SLC13A3: variants seen among roughly 807,000 people sequenced by gnomAD.
The protein encoded by SLC13A3 is solute carrier family 13 member 3, also known as Na(+)/dicarboxylate cotransporter 3.
A neutral mutation model predicts 59.0 loss-of-function variants in SLC13A3; 40 were observed. The observed-to-expected ratio is 0.68, with a 90% CI of 0.53 to 0.88. SLC13A3 has a LOEUF of 0.88. Among genes scored for constraint, SLC13A3 ranks in the 40% least tolerant of loss-of-function variants. SLC13A3 has a pLI of 0.00. For synonymous variants in SLC13A3, 317 were observed against 330.3 expected (o/e 0.96, Z 0.44); for missense variants, 699 against 783.2 (o/e 0.89, Z 1.28).
chr20:46,604,883 A>G (rs1185891182), intron 3 of SLC13A3, among the ~76,000 whole-genome samples: 2 of 152,090 alleles, frequency 1.3e-5, no homozygotes, highest in Non-Finnish European at 2.9e-5. Context: ...CCAGACAGTA[A>G]GAACTCTGAC....
chr20:46,641,054 G>A (rs1568952199), intron 1 of SLC13A3, among the ~76,000 whole-genome samples: 2 of 152,136 alleles, frequency 1.3e-5, no homozygotes, highest in Admixed American at 1.3e-4. Flanking sequence ...GGTAGGGAGA[G>A]CATGGAGGGG....
At chr20:46,617,155 T>C (rs1344999083) in intron 1 of SLC13A3, among the ~76,000 whole-genome samples, 1 of 152,244 alleles carries the variant, frequency 6.6e-6, no homozygotes, top group Non-Finnish European at 1.5e-5. Flanking sequence ...AAATATCTGT[T>C]GAATGATGAA....
At chr20:46,631,467 C>T (rs1391857768) in intron 1 of SLC13A3, among the ~76,000 whole-genome samples, 1 of 152,118 alleles carries the variant, frequency 6.6e-6, no homozygotes, top group Non-Finnish European at 1.5e-5. Flanking sequence ...ATTGAAAGAC[C>T]ATTGTGCCCT....
chr20:46,679,868 A>G (rs1457808979), intron 1 of SLC13A3, among the ~76,000 whole-genome samples: 1 of 151,264 alleles, frequency 6.6e-6, no homozygotes, highest in Non-Finnish European at 1.5e-5. Flanking sequence ...AAATCACACT[A>G]CTACACTCCA....
At chr20:46,626,115 C>A (rs1219913099) in intron 1 of SLC13A3, among the ~76,000 whole-genome samples, 1 of 150,614 alleles carries the variant, frequency 6.6e-6, no homozygotes, top group Non-Finnish European at 1.5e-5. Context: ...CTCTCTCTCT[C>A]TCTCTCTGTC....
chr20:46,571,686 C>T (rs2062029156), intron 10 of SLC13A3, among the ~76,000 whole-genome samples: 1 of 152,006 alleles, frequency 6.6e-6, no homozygotes, highest in Admixed American at 6.6e-5. Flanking sequence ...AATAAACATG[C>T]CCACAGGATC....
At chr20:46,590,893 G>C (rs1023759493) in intron 6 of SLC13A3, among the ~76,000 whole-genome samples, 5 of 151,984 alleles carry the variant, frequency 3.3e-5, no homozygotes, top group Admixed American at 1.3e-4. Context: ...AGCTGGGCTT[G>C]GGTGGCTCAT....
rs117004039 is a variant in SLC13A3 at position 46,618,327 on chromosome 20, C to T, written c.112-4602G>A. ...ACAAATCATTCACCTCCCAGAGAGA[C>T]AAGGGCTAAAACAGAGTTTAAGACA... On this transcript the variant is annotated intron_variant, in intron 1 of 12. Transcript: ENST00000279027. 2.2e-4 allele frequency among the ~76,000 whole-genome samples: 33 copies of T among 152,304 alleles called. 1 individual carries two copies. The East Asian group carries it at 6.4e-3, about 29-fold the overall frequency.
intron 1 of SLC13A3, among the ~76,000 whole-genome samples, chr20:46,644,923 T>C (rs2062879768): frequency 6.6e-6 from 1 of 152,236 alleles, no homozygotes; most frequent in Non-Finnish European, 1.5e-5. Flanking sequence ...CATCTTTTCT[T>C]GCTGCTGTAA....
intron 1 of SLC13A3, among the ~76,000 whole-genome samples, chr20:46,619,734 GCTTCTT>G (rs1174267731): frequency 2.6e-5 from 4 of 152,102 alleles, no homozygotes; most frequent in Admixed American, 2.6e-4. Context: ...ACATTCTTCT[GCTTCTT>G]CATCTAGTGA....
chr20:46,607,489 T>G (rs925838555), intron 3 of SLC13A3, among the ~76,000 whole-genome samples: 3 of 152,202 alleles, frequency 2.0e-5, no homozygotes, highest in African/African-American at 7.2e-5. Flanking sequence ...AAGCTGATCA[T>G]TAACCAATTC....
In SLC13A3 at chr20:46,563,326, C is replaced by G. The variant is rs2061947596; in HGVS notation, c.1632+88G>C. The G allele has an allele frequency of 4.2e-6, 6 of 1,429,962 alleles. No individual in the cohort carries two copies. The Admixed American group carries it at 1.3e-4, about 31-fold the overall frequency. The allele number at this position is 1,429,962 out of a possible 1,614,324, so 88.6% of individuals were successfully genotyped here. A position where few individuals can be genotyped will look rare whatever the true frequency, so the allele number is the denominator to read the frequency against. On this transcript the variant is annotated intron_variant, in intron 12 of 12. Transcript: ENST00000279027. ...TTCAGAGACTGGGGAGTGGGGTCAG[C>G]GTGCAGGAGTCCTGCATAGAGGCCT... is the stretch of plus-strand genomic sequence containing the variant.
chr20:46,613,766 G>A (rs749477923), intron 1 of SLC13A3, 41 bp from the exon 2 acceptor site: 41 of 1,535,856 alleles, frequency 2.7e-5, no homozygotes, highest in Middle Eastern at 1.8e-4. Context: ...AGCGGGGCTC[G>A]GGGCAGAAGG....
At position 46,592,542 on chromosome 20, in the gene SLC13A3, G is replaced by A. The variant is rs780470339; in HGVS notation, c.795-13C>T. 14 of 1,612,918 alleles carry A rather than the reference G, an allele frequency of 8.7e-6. No individual in the cohort carries two copies. The Middle Eastern group carries it at 5.0e-4, about 57-fold the overall frequency. On this transcript the variant is annotated splice_polypyrimidine_tract_variant and intron_variant, in intron 5 of 12. Coordinates refer to ENST00000279027, the MANE Select transcript of SLC13A3 (RefSeq NM_022829.6). ...CTGCGGAAAGAAACTGGAGAACAGC[G>A]GGAGATGAGAACAGGCCAAGGGCAG...
At chr20:46,662,563 C>T (rs1020506427) in intron 1 of SLC13A3, among the ~76,000 whole-genome samples, 7 of 152,170 alleles carry the variant, frequency 4.6e-5, no homozygotes, top group Admixed American at 1.3e-4. Context: ...GAAGTAAGCA[C>T]CTGCTATAGC....
chr20:46,626,074 C>T (rs2062666047), intron 1 of SLC13A3, among the ~76,000 whole-genome samples: 1 of 151,102 alleles, frequency 6.6e-6, no homozygotes, highest in Non-Finnish European at 1.5e-5. Context: ...ATTCTGGCTG[C>T]AAAGGTTGCT....
Position 46,622,099 on chromosome 20 carries a change from T to G in SLC13A3, c.112-8374A>C, listed in dbSNP as rs201547014. On this transcript the variant is annotated intron_variant, in intron 1 of 12. Coordinates refer to ENST00000279027, the MANE Select transcript of SLC13A3 (RefSeq NM_022829.6). ...GACGGACCCCATTGCTTTTATCTTG[T>G]TCACGTCTGTGTCCCCAGAACTTGG... Among the ~76,000 whole-genome samples the G allele has an allele frequency of 3.7e-3, 566 of 152,334 alleles. 1 individual carries two copies. The highest frequency in any genetic ancestry group is 5.3e-3 in the Non-Finnish European group (362 of 68,030).
chr20:46,627,274 A>G (rs193053031), intron 1 of SLC13A3, among the ~76,000 whole-genome samples: 2 of 152,344 alleles, frequency 1.3e-5, no homozygotes, highest in African/African-American at 2.4e-5. Context: ...AAGAAAAGTC[A>G]CGTTTTCTCA....
At chr20:46,589,288 A>T in intron 6 of SLC13A3, 33 bp from the exon 7 acceptor site, 1 of 1,584,508 alleles carries the variant, frequency 6.3e-7, no homozygotes, top group Non-Finnish European at 8.7e-7. Context: ...AGGAGTGGCC[A>T]CTGCAGGTAT....
Sources: allele counts gnomAD v4.1 joint callset (sites outside exome capture counted in the v4.1 genomes callset), GRCh38; gene constraint gnomAD v4.1.1; transcripts MANE v1.5; gene names NCBI Gene and HGNC (gene_info 2026-07-23, HGNC 2026-07-21).